Variants in DMKN observed in about 807,000 individuals in gnomAD.
DMKN encodes the protein dermokine.
DMKN carries 58 observed loss-of-function variants against 67.6 expected under a neutral mutation model. The observed-to-expected ratio is 0.86, with a 90% CI of 0.69 to 1.07. The LOEUF is 1.07. Among genes scored for constraint, DMKN ranks in the 50% least tolerant of loss-of-function variants. DMKN has a pLI of 0.00. For synonymous variants in DMKN, 240 were observed against 232.3 expected (o/e 1.03, Z -0.30); for missense variants, 596 against 601.5 (o/e 0.99, Z 0.10).
intron 7 of DMKN, chr19:35,509,436 G>A (rs2070294262): frequency 6.5e-6 from 1 of 153,500 alleles, no homozygotes; most frequent in Non-Finnish European, 1.4e-5. Context: ...TTAGCAACGC[G>A]GCTAACAGGC....
intron 9 of DMKN, among the ~76,000 whole-genome samples, chr19:35,505,452 G>A (rs998935678): frequency 1.2e-4 from 19 of 152,132 alleles, no homozygotes; most frequent in Non-Finnish European, 1.2e-4. Flanking sequence ...GGAAAGTGAG[G>A]TTCAGGACCT....
At chr19:35,498,635 T>G in intron 15 of DMKN, 81 bp downstream of exon 15, 4 of 1,586,734 alleles carry the variant, frequency 2.5e-6, no homozygotes, top group Non-Finnish European at 3.4e-6. Context: ...TCTGAGGATA[T>G]ACCAAGATCC....
rs72334573 is a variant in DMKN, at chr19:35,511,516, GCCA to G, written c.810_812del (p.Gly271del). The G allele has an allele frequency of 0.1, 153,431 of 1,507,498 alleles. 9,411 individuals carry two copies. Among genetic ancestry groups the G allele is most frequent in the East Asian group, 0.25 (10,276 of 40,340 alleles). 93.4% of individuals were successfully genotyped at this position (1,507,498 alleles called of 1,614,324 possible). A position where few individuals can be genotyped will look rare whatever the true frequency, so the allele number is the denominator to read the frequency against. On this transcript the variant is annotated inframe_deletion, in exon 5 of 16. Coordinates refer to ENST00000339686, the MANE Select transcript of DMKN (RefSeq NM_033317.5). ...CGCCACTGCTGCTGCCACTGCTGCTGCCACCACTGCTGCTGCCATTGTTGTTGT... is the reference window on the plus strand; with the variant it reads ...CGCCACTGCTGCTGCCACTGCTGCTGCCACTGCTGCTGCCATTGTTGTTGT...
chr19:35,509,363 C>G (rs1373182426), intron 7 of DMKN, among the ~76,000 whole-genome samples: 1 of 152,180 alleles, frequency 6.6e-6, no homozygotes, highest in African/African-American at 2.4e-5. Context: ...CCCAGCACCT[C>G]CGGTCTGGCC....
At chr19:35,506,076 T>C (rs780511002) in intron 7 of DMKN, 90 bp from the exon 8 acceptor site, 7 of 1,608,310 alleles carry the variant, frequency 4.4e-6, no homozygotes, top group South Asian at 3.3e-5. Flanking sequence ...GAGGCGAGGA[T>C]TGTGTGACAC....
intron 13 of DMKN, 66 bp downstream of exon 13, chr19:35,499,892 A>G: frequency 6.4e-7 from 1 of 1,574,222 alleles, no homozygotes; most frequent in Non-Finnish European, 8.7e-7. Flanking sequence ...CCCGGCAGTG[A>G]AAGCCTCTCT....
Position 35,511,473 on chromosome 19 carries a change from TGCTGCC to T in DMKN, c.850_855del (p.Gly284_Ser285del), listed in dbSNP as rs759597128. ...CCACTGTTGCCACTGCTGCCACCAC[TGCTGCC>T]GCCACTGCTGCCGCCACTGCTGCTG... On this transcript the variant is annotated inframe_deletion, in exon 5 of 16. Transcript: ENST00000339686. 9 of 937,600 alleles carry T rather than the reference TGCTGCC, an allele frequency of 9.6e-6. No homozygotes were observed. In the African/African-American group the frequency reaches 1.8e-4, roughly 19 times the overall value. 58.1% of individuals were successfully genotyped at this position (937,600 alleles called of 1,614,324 possible). A position where few individuals can be genotyped will look rare whatever the true frequency, so the allele number is the denominator to read the frequency against.
At chr19:35,503,691 G>A (rs1164988547) in intron 9 of DMKN, among the ~76,000 whole-genome samples, 1 of 152,048 alleles carries the variant, frequency 6.6e-6, no homozygotes, top group Non-Finnish European at 1.5e-5. Context: ...GGCCAGGCTG[G>A]TTTCAGACTC....
At chr19:35,510,483 C>G in intron 5 of DMKN, 2 of 1,551,040 alleles carry the variant, frequency 1.3e-6, no homozygotes, top group East Asian at 2.4e-5. Flanking sequence ...TTTGGAGAAC[C>G]TGAGCTGCTG....
Position 35,513,318 on chromosome 19 carries a change from T to C in DMKN, c.158A>G (p.Lys53Arg), listed in dbSNP as rs143284303. Reference protein sequence around the residue: ...LGDALSEGVGKAIGKEAGGAA... With the variant: ...LGDALSEGVGRAIGKEAGGAA... ...CCCTCCGGCCTCTTTGCCAATGGCC[T>C]TTCCCACCCCTTCGCTCAGGGCGTC... Residue 53 changes from lysine to arginine, a missense_variant, in exon 1 of 16, where the codon AAG becomes AGG. Coordinates refer to ENST00000339686, the MANE Select transcript of DMKN (RefSeq NM_033317.5). The C allele has an allele frequency of 6.2e-7, 1 of 1,614,158 alleles. No individual in the cohort carries two copies. The highest frequency in any genetic ancestry group is 8.5e-7 in the Non-Finnish European group (1 of 1,180,036).
At chr19:35,503,410 T>G in intron 9 of DMKN, 1 of 1,551,402 alleles carries the variant, frequency 6.4e-7, no homozygotes, top group Non-Finnish European at 8.7e-7. Context: ...TGGTGGCTCC[T>G]TGTCTGGAGG....
At chr19:35,508,408 G>T in intron 7 of DMKN, 1 of 696,604 alleles carries the variant, frequency 1.4e-6, no homozygotes, top group Non-Finnish European at 2.3e-6. Context: ...TTTAAGAATA[G>T]GTAAGAAAAC....
chr19:35,497,728 C>T (rs111793666), intron 15 of DMKN, 190 bp from the exon 16 acceptor site: 1,555 of 152,642 alleles, frequency 0.01, 12 homozygotes, highest in Non-Finnish European at 0.017. Flanking sequence ...TCACCTCTCG[C>T]CCATGCAGCC....
rs749899125 is a variant in DMKN at position 35,500,546 on chromosome 19, C to A, written c.1274G>T (p.Gly425Val). The A allele has an allele frequency of 3.1e-6, 5 of 1,612,686 alleles. No homozygotes were observed. Among genetic ancestry groups the A allele is most frequent in the African/African-American group, 1.3e-5 (1 of 75,024 alleles). Reference protein sequence around the residue: ...ADASSLQKRAGRDDQNYNYNQ... With the variant: ...ADASSLQKRAVRDDQNYNYNQ... ...ACAGAGACTCACCTGATCGTCTCTG[C>A]CTGCACGTTTCTGCAGTGATGACGC... Residue 425 changes from glycine (G) to valine (V), a missense_variant, in exon 12 of 16, where the codon GGC becomes GTC. Gly to Val is a moderately radical substitution (Grantham distance 109). Coordinates refer to ENST00000339686, the MANE Select transcript of DMKN (RefSeq NM_033317.5).
At chr19:35,509,750 C>G (rs2070355461) in intron 7 of DMKN, 161 bp downstream of exon 7, 1 of 762,570 alleles carries the variant, frequency 1.3e-6, no homozygotes, top group Non-Finnish European at 2.1e-6. Flanking sequence ...CTTTGGAAAT[C>G]GTTAGCATTT....
At position 35,511,428 on chromosome 19, in the gene DMKN, C is replaced by T. The variant is rs371442207; in HGVS notation, c.901G>A (p.Gly301Ser). 131 of 1,608,050 alleles carry T rather than the reference C, an allele frequency of 8.1e-5. No homozygotes were observed. Among genetic ancestry groups the T allele is most frequent in the Non-Finnish European group, 1.0e-4 (123 of 1,179,670 alleles). ...AAACTCACCCAGGAGGACTCACTGC[C>T]GCTGTCACCTCTGCTGCCACCACTG... The part of the protein sequence containing the change: ...GNSGGSRGDS[G>S]SESSWGSSTG... Residue 301 changes from glycine to serine, a missense_variant, in exon 5 of 16, where the codon GGC (glycine) becomes AGC (serine). Physicochemically the swap from Gly to Ser is moderately conservative, Grantham distance 56 (BLOSUM62 0). Transcript: ENST00000339686.
chr19:35,501,110 C>T (rs747315027), intron 11 of DMKN, among the ~76,000 whole-genome samples: 18 of 152,104 alleles, frequency 1.2e-4, no homozygotes, highest in Admixed American at 2.6e-4. Context: ...GCAGATGCAC[C>T]GGACACCCCC....
At position 35,512,797 on chromosome 19, in the gene DMKN, G is replaced by A. The variant is rs1298612527; in HGVS notation, c.427-7C>T. On this transcript the variant is annotated splice_polypyrimidine_tract_variant and splice_region_variant and intron_variant, in intron 1 of 15. Coordinates refer to ENST00000339686, the MANE Select transcript of DMKN (RefSeq NM_033317.5). The stretch of plus-strand genomic sequence containing the variant: ...CATGGCCTCCAGAAGTTTCCTGCAA[G>A]AACAACATACCTGCACTTAGTGGGA... The A allele has an allele frequency of 6.2e-7, 1 of 1,611,798 alleles. No homozygotes were observed. Among genetic ancestry groups the A allele is most frequent in the Non-Finnish European group, 8.5e-7 (1 of 1,179,688 alleles).
chr19:35,511,302 C>T (rs1021732915), intron 5 of DMKN, 109 bp downstream of exon 5: 16 of 1,554,748 alleles, frequency 1.0e-5, no homozygotes, highest in East Asian at 4.5e-5. Context: ...TCAGCGAGGC[C>T]GCCCATCCTC....
Sources: allele counts gnomAD v4.1 joint callset (sites outside exome capture counted in the v4.1 genomes callset), GRCh38; gene constraint gnomAD v4.1.1; transcripts MANE v1.5; gene names NCBI Gene and HGNC (gene_info 2026-07-23, HGNC 2026-07-21).